Variants in SLC16A10 observed in about 807,000 individuals in gnomAD.
SLC16A10 encodes the protein monocarboxylate transporter 10.
In SLC16A10, 27 loss-of-function variants were observed where a neutral mutation model predicts 40.0. The ratio of observed to expected loss-of-function variants is 0.67; its 90% CI spans 0.50 to 0.93. The LOEUF (loss-of-function observed/expected upper bound fraction) is 0.93, where lower values mean the gene tolerates loss of function less well. Among genes scored for constraint, SLC16A10 ranks in the 40% least tolerant of loss-of-function variants. The probability of loss-of-function intolerance (pLI) is 0.00; values close to 1 mark genes in which losing one functional copy is unlikely to be tolerated. For missense variants in SLC16A10, 529 were observed against 658.2 expected (o/e 0.80, Z 2.15); for synonymous variants, 213 against 249.8 (o/e 0.85, Z 1.39).
At chr6:111,213,154 T>G (rs1403752734) in intron 4 of SLC16A10, among the ~76,000 whole-genome samples, 1 of 152,198 alleles carries the variant, frequency 6.6e-6, no homozygotes, top group African/African-American at 2.4e-5. Context: ...CATATTTCTC[T>G]GTGACATGGA....
intron 1 of SLC16A10, among the ~76,000 whole-genome samples, chr6:111,094,493 C>T (rs181686000): frequency 6.6e-5 from 10 of 152,286 alleles, no homozygotes; most frequent in Admixed American, 5.2e-4. Flanking sequence ...AAGTCAGAAA[C>T]CTGGAATGTA....
intron 1 of SLC16A10, among the ~76,000 whole-genome samples, chr6:111,139,400 C>T (rs1033811702): frequency 2.0e-5 from 3 of 152,108 alleles, no homozygotes; most frequent in Non-Finnish European, 2.9e-5. Context: ...CTCCTGGGTT[C>T]AAGTGATTCC....
At position 111,169,256 on chromosome 6, in the gene SLC16A10, A is replaced by T. The variant is rs142212133; in HGVS notation, c.344-3439A>T. Among the ~76,000 whole-genome samples the T allele has an allele frequency of 1.2e-4, 18 of 152,322 alleles. No individual in the cohort carries two copies. The East Asian group carries it at 2.5e-3, about 21-fold the overall frequency. ...TAGCCTGGAGTTTGACTCCTGTCCA[A>T]ATAGATGCCTGAAAGGGCAGTGAGG... On this transcript the variant is annotated intron_variant, in intron 1 of 5. Transcript: ENST00000368851.
chr6:111,202,006 A>C (rs1773175081), intron 3 of SLC16A10, among the ~76,000 whole-genome samples: 1 of 152,198 alleles, frequency 6.6e-6, no homozygotes, highest in Non-Finnish European at 1.5e-5. Flanking sequence ...TGATGTCTCC[A>C]AATGTCTTAC....
chr6:111,105,300 A>G (rs1327825155), intron 1 of SLC16A10, among the ~76,000 whole-genome samples: 1 of 152,194 alleles, frequency 6.6e-6, no homozygotes, highest in Non-Finnish European at 1.5e-5. Context: ...AACTGAGCCA[A>G]CTACTTCATT....
Position 111,221,987 on chromosome 6 carries a change from C to G in SLC16A10, c.1316-16C>G, listed in dbSNP as rs1201928929. On this transcript the variant is annotated splice_polypyrimidine_tract_variant and intron_variant, in intron 5 of 5. Coordinates refer to ENST00000368851, the MANE Select transcript of SLC16A10 (RefSeq NM_018593.5). ...CACACTTGTTCTCCCTTGGTGACAG[C>G]TTTTTCCCTTCTCAGGGTTACTTCG... 1 of 1,594,002 alleles carries G rather than the reference C, an allele frequency of 6.3e-7. No individual in the cohort carries two copies. Among genetic ancestry groups the G allele is most frequent in the Non-Finnish European group, 8.5e-7 (1 of 1,174,612 alleles).
In SLC16A10 at chr6:111,224,133, A is replaced by T. The variant is rs1770949682; in HGVS notation, c.*1898A>T. The T allele has an allele frequency of 7.6e-6, 1 of 131,806 alleles. No individual in the cohort carries two copies. Among genetic ancestry groups the T allele is most frequent in the Non-Finnish European group, 1.6e-5 (1 of 61,372 alleles). 8.2% of individuals were successfully genotyped at this position (131,806 alleles called of 1,614,324 possible). On this transcript the variant is annotated 3_prime_UTR_variant, in exon 6 of 6. Coordinates refer to ENST00000368851, the MANE Select transcript of SLC16A10 (RefSeq NM_018593.5). ...TGCCCACCTGTAGCCCCAGCTACTC[A>T]GAGGCTGAGGTAGTGGAAGGATTGC...
chr6:111,169,715 C>G (rs1163273456), intron 1 of SLC16A10, among the ~76,000 whole-genome samples: 1 of 152,186 alleles, frequency 6.6e-6, no homozygotes, highest in Non-Finnish European at 1.5e-5. Context: ...AAGTGTTCAT[C>G]TAGTGTCAAG....
intron 1 of SLC16A10, among the ~76,000 whole-genome samples, chr6:111,152,499 A>G (rs1429395776): frequency 2.6e-5 from 4 of 152,228 alleles, no homozygotes; most frequent in Non-Finnish European, 5.9e-5. Context: ...TATTTTTATT[A>G]GAGATAACCT....
intron 1 of SLC16A10, among the ~76,000 whole-genome samples, chr6:111,134,965 G>A (rs1172353143): frequency 2.6e-5 from 4 of 152,176 alleles, no homozygotes; most frequent in South Asian, 2.1e-4. Flanking sequence ...CTCCTGTCCC[G>A]GACAACTGGC....
At chr6:111,143,160 G>C (rs1772014121) in intron 1 of SLC16A10, among the ~76,000 whole-genome samples, 1 of 152,080 alleles carries the variant, frequency 6.6e-6, no homozygotes, top group African/African-American at 2.4e-5. Flanking sequence ...GCTCACTGTT[G>C]CCTTGACCTC....
intron 1 of SLC16A10, among the ~76,000 whole-genome samples, chr6:111,104,730 A>G (rs891798992): frequency 3.3e-5 from 5 of 152,176 alleles, no homozygotes; most frequent in African/African-American, 9.7e-5. Context: ...AAGAACATGT[A>G]TCTCTAAGAG....
chr6:111,215,139 A>G (rs1773400658), intron 4 of SLC16A10, among the ~76,000 whole-genome samples: 1 of 152,130 alleles, frequency 6.6e-6, no homozygotes, highest in Non-Finnish European at 1.5e-5. Flanking sequence ...AAAAAATAAA[A>G]AAAAGAAATA....
intron 2 of SLC16A10, among the ~76,000 whole-genome samples, chr6:111,174,650 T>A (rs1477829937): frequency 6.6e-6 from 1 of 152,176 alleles, no homozygotes; most frequent in African/African-American, 2.4e-5. Context: ...ATGTAATTAA[T>A]GTTATTAATA....
At chr6:111,090,499 T>C (rs77667999) in intron 1 of SLC16A10, among the ~76,000 whole-genome samples, 3,705 of 152,320 alleles carry the variant, frequency 0.024, 98 homozygotes, top group African/African-American at 0.069. Context: ...GACTGATAGA[T>C]GTTAAGGGCT....
intron 3 of SLC16A10, among the ~76,000 whole-genome samples, chr6:111,201,550 T>C (rs1406611906): frequency 6.6e-6 from 1 of 152,204 alleles, no homozygotes; most frequent in African/African-American, 2.4e-5. Context: ...CCCAAAGATA[T>C]ATAGTCTAAC....
In SLC16A10 at chr6:111,223,699, A is replaced by G. The variant is rs1407953610; in HGVS notation, c.*1464A>G. ...CATGTCCTTATTATAAGCTTTTAGA[A>G]AATGATTTCATTCAGTCATGTCCAG... On this transcript the variant is annotated 3_prime_UTR_variant, in exon 6 of 6. Transcript: ENST00000368851. The G allele has an allele frequency of 6.6e-6, 1 of 152,240 alleles. No homozygotes were observed. Among genetic ancestry groups the G allele is most frequent in the Non-Finnish European group, 1.5e-5 (1 of 68,046 alleles). 9.4% of individuals were successfully genotyped at this position (152,240 alleles called of 1,614,324 possible).
chr6:111,180,082 T>G (rs1772761589), intron 3 of SLC16A10, among the ~76,000 whole-genome samples: 1 of 152,220 alleles, frequency 6.6e-6, no homozygotes, highest in Non-Finnish European at 1.5e-5. Flanking sequence ...ATATGAGACG[T>G]AAAAATTTGC....
intron 1 of SLC16A10, among the ~76,000 whole-genome samples, chr6:111,149,267 A>G (rs1229757273): frequency 1.3e-5 from 2 of 152,172 alleles, no homozygotes; most frequent in Non-Finnish European, 2.9e-5. Context: ...GCATTGGTTT[A>G]AGGAACCCGC....
Sources: allele counts gnomAD v4.1 joint callset (sites outside exome capture counted in the v4.1 genomes callset), GRCh38; gene constraint gnomAD v4.1.1; transcripts MANE v1.5; gene names NCBI Gene and HGNC (gene_info 2026-07-23, HGNC 2026-07-21).